ZBTB7C: variants seen among roughly 807,000 people sequenced by gnomAD.
The protein encoded by ZBTB7C is zinc finger and BTB domain containing 7C.
A neutral mutation model predicts 25.7 loss-of-function variants in ZBTB7C; 8 were observed. The observed-to-expected ratio is 0.31, with a 90% CI of 0.18 to 0.56. The LOEUF (loss-of-function observed/expected upper bound fraction) is 0.56. Ranked by LOEUF, ZBTB7C falls within the 20% of genes least tolerant of loss-of-function variation. ZBTB7C has a pLI of 0.91. For synonymous variants in ZBTB7C, 394 were observed against 369.0 expected (o/e 1.07, Z -0.78); for missense variants, 824 against 855.2 (o/e 0.96, Z 0.46).
rs370297172 is a variant in ZBTB7C at position 48,074,363 on chromosome 18, TGA to T, written c.-16-33242_-16-33241del. Among the ~76,000 whole-genome samples, 449 of 152,322 alleles carry T rather than the reference TGA, an allele frequency of 2.9e-3. 5 individuals are homozygous for T. In the South Asian group the frequency reaches 0.034, roughly 12 times the overall value. On this transcript the variant is annotated intron_variant, in intron 3 of 4. Coordinates refer to ENST00000590800, the MANE Select transcript of ZBTB7C (RefSeq NM_001318841.2). ...CCTCCATCTGGGGGGCAGTCATTCC[TGA>T]GATATCGCTTTTTCCTTCATATAAC...
intron 1 of ZBTB7C, among the ~76,000 whole-genome samples, chr18:48,385,492 T>A (rs1157083226): frequency 6.6e-6 from 1 of 152,130 alleles, no homozygotes; most frequent in Admixed American, 6.5e-5. Flanking sequence ...CAGATCTCAT[T>A]TGGGGGTACA....
chr18:48,039,830 C>T, intron 4 of ZBTB7C, 70 bp downstream of exon 4: 2 of 1,535,358 alleles, frequency 1.3e-6, no homozygotes, highest in African/African-American at 1.4e-5. Context: ...CCGCCAGCCT[C>T]CCTGCCCAAC....
chr18:48,367,667 C>T (rs1274479461), intron 1 of ZBTB7C, among the ~76,000 whole-genome samples: 3 of 151,962 alleles, frequency 2.0e-5, no homozygotes, highest in Non-Finnish European at 4.4e-5. Context: ...ACACTGCGGC[C>T]CACCCTCCCC....
chr18:48,158,153 C>G (rs968425001), intron 3 of ZBTB7C, among the ~76,000 whole-genome samples: 4 of 152,198 alleles, frequency 2.6e-5, no homozygotes, highest in Admixed American at 1.3e-4. Context: ...CAGGTTACCA[C>G]CAGGGGCAAA....
chr18:48,292,740 T>C (rs1449001566), intron 2 of ZBTB7C, among the ~76,000 whole-genome samples: 1 of 152,172 alleles, frequency 6.6e-6, no homozygotes, highest in Non-Finnish European at 1.5e-5. Context: ...TACCTGGGTA[T>C]GACAAGAAAA....
chr18:48,404,419 A>G (rs2048230640), intron 1 of ZBTB7C, among the ~76,000 whole-genome samples: 1 of 152,190 alleles, frequency 6.6e-6, no homozygotes, highest in African/African-American at 2.4e-5. Context: ...CAGGGAGTGA[A>G]GGGGAGGTCA....
In ZBTB7C at chr18:48,401,865, A is replaced by G. The variant is rs149598919; in HGVS notation, c.-304+7361T>C. On this transcript the variant is annotated intron_variant, in intron 1 of 4. Transcript: ENST00000590800. ...TCACCTAGGCCTCACCTCCTCCAAA[A>G]ACCCATCAAAATTCTTAAGTCAGAG... Among the ~76,000 whole-genome samples, 11 of 152,060 alleles carry G rather than the reference A, an allele frequency of 7.2e-5. No individual in the cohort carries two copies. The East Asian group carries it at 2.1e-3, about 29-fold the overall frequency.
intron 3 of ZBTB7C, among the ~76,000 whole-genome samples, chr18:48,043,493 G>C (rs150152620): frequency 6.6e-6 from 1 of 152,202 alleles, no homozygotes; most frequent in African/African-American, 2.4e-5. Context: ...CAATGGGTTA[G>C]ATATTGCATG....
chr18:48,080,337 G>A (rs188095312), intron 3 of ZBTB7C, among the ~76,000 whole-genome samples: 1 of 152,304 alleles, frequency 6.6e-6, no homozygotes, highest in East Asian at 1.9e-4. Flanking sequence ...CACGGCATTT[G>A]GGTGTTCACT....
intron 2 of ZBTB7C, among the ~76,000 whole-genome samples, chr18:48,322,355 T>C (rs1245377684): frequency 6.6e-6 from 1 of 152,126 alleles, no homozygotes; most frequent in Non-Finnish European, 1.5e-5. Flanking sequence ...CTCCCAAGTC[T>C]GGGACAATCC....
chr18:48,134,494 C>T (rs765905886), intron 3 of ZBTB7C, among the ~76,000 whole-genome samples: 16 of 152,176 alleles, frequency 1.1e-4, no homozygotes, highest in African/African-American at 2.9e-4. Context: ...AAAACCGCCC[C>T]GGAAGGCCAA....
chr18:48,371,060 G>A (rs750475735), intron 1 of ZBTB7C, among the ~76,000 whole-genome samples: 19 of 152,288 alleles, frequency 1.2e-4, no homozygotes, highest in Non-Finnish European at 2.8e-4. Flanking sequence ...TGTGTGATAC[G>A]TGATTCTCTG....
At chr18:48,053,969 C>T (rs537636726) in intron 3 of ZBTB7C, among the ~76,000 whole-genome samples, 26 of 152,290 alleles carry the variant, frequency 1.7e-4, no homozygotes, top group Admixed American at 9.8e-4. Context: ...TTAGCTTGTG[C>T]GAAGGCATGC....
intron 3 of ZBTB7C, chr18:48,162,507 C>T (rs946345269): frequency 4.0e-5 from 17 of 422,822 alleles, no homozygotes; most frequent in South Asian, 2.8e-4. Flanking sequence ...CCTCTTCCCC[C>T]ACATTTGGGG....
rs190428259 is a variant in ZBTB7C at position 48,313,187 on chromosome 18, G to A, written c.-79+24987C>T. Among the ~76,000 whole-genome samples the A allele has an allele frequency of 5.2e-3, 795 of 152,300 alleles. 6 individuals carry two copies. Among genetic ancestry groups the A allele is most frequent in the South Asian group, 8.7e-3 (42 of 4,832 alleles). On this transcript the variant is annotated intron_variant, in intron 2 of 4. Coordinates refer to ENST00000590800, the MANE Select transcript of ZBTB7C (RefSeq NM_001318841.2). ...ATTCAATGCATGGACTCAAAGCTAG[G>A]ATTTCTGCTTTCCAGGCCAGTTGTG...
intron 1 of ZBTB7C, among the ~76,000 whole-genome samples, chr18:48,365,466 G>A (rs1156592887): frequency 5.3e-5 from 8 of 152,206 alleles, no homozygotes; most frequent in African/African-American, 1.9e-4. Context: ...GGCTAGTAGA[G>A]TGGCACTACA....
chr18:48,290,896 C>T (rs2045209554), intron 2 of ZBTB7C, among the ~76,000 whole-genome samples: 1 of 152,242 alleles, frequency 6.6e-6, no homozygotes, highest in South Asian at 2.1e-4. Context: ...GTCAAAATTC[C>T]TGGCCCCAAG....
In ZBTB7C at chr18:48,204,720, G is replaced by T. The variant is rs185687580; in HGVS notation, c.-78-18725C>A. Among the ~76,000 whole-genome samples the T allele has an allele frequency of 4.3e-4, 65 of 152,170 alleles. No homozygotes were observed. In the East Asian group the frequency reaches 8.9e-3, roughly 21 times the overall value. On this transcript the variant is annotated intron_variant, in intron 2 of 4. Coordinates refer to ENST00000590800, the MANE Select transcript of ZBTB7C (RefSeq NM_001318841.2). ...AAATGGTTGTGTTATGTGTTCCATG[G>T]CCTAAGGTTACCTCCACAGACCCAC...
At chr18:48,120,750 C>T (rs2144719027) in intron 3 of ZBTB7C, among the ~76,000 whole-genome samples, 1 of 152,330 alleles carries the variant, frequency 6.6e-6, no homozygotes. Flanking sequence ...CTAACCTGCC[C>T]CCAGCAAGTA....
Sources: allele counts gnomAD v4.1 joint callset (sites outside exome capture counted in the v4.1 genomes callset), GRCh38; gene constraint gnomAD v4.1.1; transcripts MANE v1.5; gene names NCBI Gene and HGNC (gene_info 2026-07-23, HGNC 2026-07-21).